The following CERS6 variants were observed in gnomAD, a reference collection of about 807,000 sequenced individuals.
The protein encoded by CERS6 is ceramide synthase 6.
A neutral mutation model predicts 56.8 loss-of-function variants in CERS6; 26 were observed. That is an observed-to-expected ratio of 0.46 (90% confidence interval 0.34 to 0.63). The LOEUF is 0.63. Ranked by LOEUF, CERS6 falls within the 30% of genes least tolerant of loss-of-function variation. CERS6 has a pLI of 0.01. For missense variants in CERS6, 415 were observed against 467.5 expected, an observed-to-expected ratio of 0.89 and a Z score of 1.04; for synonymous variants, 164 against 173.3, an observed-to-expected ratio of 0.95 and a Z score of 0.42.
At chr2:168,660,195 G>T (rs552297314) in intron 4 of CERS6, among the ~76,000 whole-genome samples, 1 of 152,276 alleles carries the variant, frequency 6.6e-6, no homozygotes, top group Non-Finnish European at 1.5e-5. Flanking sequence ...TGAGCTCTAT[G>T]GGCACTGCCA....
intron 1 of CERS6, among the ~76,000 whole-genome samples, chr2:168,489,472 T>A (rs1368323937): frequency 2.9e-5 from 3 of 103,148 alleles, no homozygotes; most frequent in East Asian, 3.0e-4. Flanking sequence ...TCTCCACCAA[T>A]TTTTTTTTTT....
chr2:168,714,699 C>T (rs529171384), intron 6 of CERS6, among the ~76,000 whole-genome samples: 1 of 152,150 alleles, frequency 6.6e-6, no homozygotes, highest in Non-Finnish European at 1.5e-5. Context: ...TAAAGAAGTG[C>T]TTTGCCCTTT....
chr2:168,544,094 G>T (rs1041313401), intron 1 of CERS6, among the ~76,000 whole-genome samples: 1 of 152,196 alleles, frequency 6.6e-6, no homozygotes, highest in Non-Finnish European at 1.5e-5. Flanking sequence ...CTATGACATC[G>T]TTCAAAGAAA....
At chr2:168,768,949 T>C (rs1460716507) in intron 9 of CERS6, among the ~76,000 whole-genome samples, 1 of 150,994 alleles carries the variant, frequency 6.6e-6, no homozygotes, top group Non-Finnish European at 1.5e-5. Flanking sequence ...TGCTTCCTGC[T>C]GTCATTTGTT....
Position 168,604,724 on chromosome 2 carries a change from C to T in CERS6, c.408-26261C>T, listed in dbSNP as rs80292753. Among the ~76,000 whole-genome samples, 988 of 152,186 alleles carry T rather than the reference C, an allele frequency of 6.5e-3. 11 individuals are homozygous for T. Among genetic ancestry groups the T allele is most frequent in the African/African-American group, 0.022 (931 of 41,512 alleles). ...CTCTCTCTCGCTCCTGCTTTGGCCA[C>T]GTAAGATGTGCCTGCTTCCCCTTTG... On this transcript the variant is annotated intron_variant, in intron 3 of 9. Transcript: ENST00000305747.
At chr2:168,684,635 A>G (rs1686300921) in intron 4 of CERS6, among the ~76,000 whole-genome samples, 1 of 152,204 alleles carries the variant, frequency 6.6e-6, no homozygotes, top group Non-Finnish European at 1.5e-5. Flanking sequence ...ATGAAAAGAG[A>G]AATAAGCAAA....
rs555530026 is a variant in CERS6, at chr2:168,614,715, A to C, written c.408-16270A>C. On this transcript the variant is annotated intron_variant, in intron 3 of 9. Transcript: ENST00000305747. ...CCCATCCCCCATAGCAGCTGCAGCA[A>C]CTCCTGCCCAAGGAGAGTCAGAGCT... 4.0e-4 allele frequency among the ~76,000 whole-genome samples: 61 copies of C among 151,704 alleles called. 1 individual carries two copies. The South Asian group carries it at 0.013, about 32-fold the overall frequency.
intron 6 of CERS6, among the ~76,000 whole-genome samples, chr2:168,713,572 C>A (rs1687150067): frequency 6.6e-6 from 1 of 152,118 alleles, no homozygotes; most frequent in South Asian, 2.1e-4. Context: ...CAGAAAAAAA[C>A]AATCTTCACT....
At chr2:168,511,783 G>A (rs908974653) in intron 1 of CERS6, among the ~76,000 whole-genome samples, 3 of 152,116 alleles carry the variant, frequency 2.0e-5, no homozygotes, top group Non-Finnish European at 2.9e-5. Context: ...TCATTTTAGT[G>A]TACAGTTTTA....
chr2:168,625,072 G>A (rs1004930965), intron 3 of CERS6, among the ~76,000 whole-genome samples: 2 of 151,984 alleles, frequency 1.3e-5, no homozygotes, highest in Admixed American at 6.6e-5. Flanking sequence ...AATGTCATAG[G>A]TATAAGCCAT....
intron 8 of CERS6, among the ~76,000 whole-genome samples, chr2:168,760,762 A>ATTTT (rs869287261): frequency 2.4e-5 from 3 of 125,896 alleles, no homozygotes; most frequent in Admixed American, 8.0e-5. Flanking sequence ...TTATTTATTT[A>ATTTT]TTTATTTTTT....
At chr2:168,674,345 T>C (rs918057787) in intron 4 of CERS6, among the ~76,000 whole-genome samples, 2 of 152,206 alleles carry the variant, frequency 1.3e-5, no homozygotes, top group Admixed American at 1.3e-4. Context: ...CCATCCCTTT[T>C]CCTCTTCCAC....
At chr2:168,679,285 A>T (rs2105348617) in intron 4 of CERS6, among the ~76,000 whole-genome samples, 1 of 152,294 alleles carries the variant, frequency 6.6e-6, no homozygotes, top group South Asian at 2.1e-4. Flanking sequence ...TAACGGTAGG[A>T]TATTGTATAT....
Position 168,743,432 on chromosome 2 carries a change from C to T in CERS6, c.846-22160C>T, listed in dbSNP as rs924649677. ...GGCTGATCACTTGAGCCTAGGCATT[C>T]AAGACCAGCCTGAGCAACAGGGCGA... On this transcript the variant is annotated intron_variant, in intron 8 of 9. Transcript: ENST00000305747. Among the ~76,000 whole-genome samples the T allele has an allele frequency of 2.0e-5, 3 of 152,184 alleles. No homozygotes were observed. The South Asian group carries it at 6.2e-4, about 32-fold the overall frequency.
At chr2:168,622,261 A>G (rs941849874) in intron 3 of CERS6, among the ~76,000 whole-genome samples, 1 of 137,926 alleles carries the variant, frequency 7.3e-6, no homozygotes, top group African/African-American at 3.0e-5. Flanking sequence ...TCATTGAGCT[A>G]ACAAAAAATC....
chr2:168,545,133 GTATTTGTAGAAACACATA>G lies in CERS6; in HGVS notation c.171-2462_171-2445del, dbSNP rs879395433. ...CATGTATTTGTAGAAACACACACAT[GTATTTGTAGAAACACATA>G]CATGTATTTGTAGAAACACATACAT... On this transcript the variant is annotated intron_variant, in intron 1 of 9. Transcript: ENST00000305747. Among the ~76,000 whole-genome samples, 93 of 152,086 alleles carry G rather than the reference GTATTTGTAGAAACACATA, an allele frequency of 6.1e-4. 1 individual carries two copies. The highest frequency in any genetic ancestry group is 1.1e-3 in the Non-Finnish European group (74 of 68,000).
At chr2:168,675,482 G>T (rs967788568) in intron 4 of CERS6, among the ~76,000 whole-genome samples, 1 of 151,786 alleles carries the variant, frequency 6.6e-6, no homozygotes, top group East Asian at 2.0e-4. Context: ...GCTACTTGGG[G>T]GGCTGAGGCA....
intron 6 of CERS6, among the ~76,000 whole-genome samples, chr2:168,709,720 C>T (rs988429392): frequency 1.3e-5 from 2 of 152,160 alleles, no homozygotes; most frequent in African/African-American, 4.8e-5. Context: ...TGCTAATGTT[C>T]TTTCAGCCAT....
intron 1 of CERS6, among the ~76,000 whole-genome samples, chr2:168,476,137 A>C (rs1035695789): frequency 6.6e-6 from 1 of 152,014 alleles, no homozygotes; most frequent in Non-Finnish European, 1.5e-5. Context: ...CTATCTTCTC[A>C]AACCAGTTGT....
Sources: gnomAD v4.1 joint callset for allele counts (sites outside exome capture counted in the v4.1 genomes callset) on GRCh38, gnomAD v4.1.1 for gene constraint, MANE v1.5 for transcripts, NCBI Gene and HGNC (gene_info 2026-07-23, HGNC 2026-07-21) for gene names.